RAB38: variants seen among roughly 807,000 people sequenced by gnomAD.
RAB38 encodes the protein RAB38, member RAS oncogene family.
A neutral mutation model predicts 18.4 loss-of-function variants in RAB38; 15 were observed. That is an observed-to-expected ratio of 0.82 (90% confidence interval 0.55 to 1.26). The LOEUF is 1.26. RAB38 is among the 50% of genes most tolerant of loss of function. The pLI is 0.00. For synonymous variants in RAB38, 101 were observed against 104.4 expected (o/e 0.97, Z 0.20); for missense variants, 294 against 267.4 (o/e 1.10, Z -0.69).
downstream of RAB38, among the ~76,000 whole-genome samples, chr11:88,108,708 C>T (rs1472543616): frequency 6.6e-6 from 1 of 152,072 alleles, no homozygotes; most frequent in African/African-American, 2.4e-5. Flanking sequence ...GTTATTTTGC[C>T]TGGTAGTTGA....
chr11:88,096,623 T>C, the RAB38 span, among the ~76,000 whole-genome samples: 211 of 151,996 alleles, frequency 1.4e-3, no homozygotes, highest in African/African-American at 4.7e-3. Context: ...AAATGAGTTA[T>C]ATTTGAAGAA....
chr11:87,950,211 C>T, the RAB38 span, among the ~76,000 whole-genome samples: 2 of 152,016 alleles, frequency 1.3e-5, no homozygotes, highest in Non-Finnish European at 2.9e-5. Context: ...GATTGCAACC[C>T]CTGCCTTTTT....
At chr11:87,958,852 T>A in the RAB38 span, among the ~76,000 whole-genome samples, 1 of 152,184 alleles carries the variant, frequency 6.6e-6, no homozygotes, top group Non-Finnish European at 1.5e-5. Flanking sequence ...AATCCCTTTC[T>A]AAGAAGGCTG....
intron 2 of RAB38, among the ~76,000 whole-genome samples, chr11:88,146,871 C>A (rs763724579): frequency 3.9e-4 from 60 of 152,154 alleles, no homozygotes; most frequent in Non-Finnish European, 6.9e-4. Context: ...CTCATGTCCC[C>A]CTTCCCCAAC....
the RAB38 span, among the ~76,000 whole-genome samples, chr11:88,103,218 T>C: frequency 6.6e-6 from 1 of 152,102 alleles, no homozygotes; most frequent in Non-Finnish European, 1.5e-5. Context: ...ATATTATAGA[T>C]GAATTAAGAC....
chr11:88,081,995 A>T, the RAB38 span, among the ~76,000 whole-genome samples: 2 of 152,010 alleles, frequency 1.3e-5, no homozygotes, highest in East Asian at 3.9e-4. Context: ...GAAAAATTCC[A>T]AACACAGAAA....
At chr11:87,960,869 T>C in the RAB38 span, among the ~76,000 whole-genome samples, 4 of 152,164 alleles carry the variant, frequency 2.6e-5, no homozygotes, top group African/African-American at 9.7e-5. Flanking sequence ...AGCATAGTAA[T>C]GCCTTACAGA....
At chr11:88,031,470 C>T in the RAB38 span, among the ~76,000 whole-genome samples, 1 of 151,806 alleles carries the variant, frequency 6.6e-6, no homozygotes, top group African/African-American at 2.4e-5. Flanking sequence ...GACTGTATAT[C>T]GAGAAAACCC....
the RAB38 span, among the ~76,000 whole-genome samples, chr11:88,027,304 C>A: frequency 1.1e-4 from 17 of 152,162 alleles, no homozygotes; most frequent in African/African-American, 4.1e-4. Flanking sequence ...ACGCAGAAGA[C>A]GGGTGATTTC....
At chr11:87,951,810 G>T in the RAB38 span, among the ~76,000 whole-genome samples, 14 of 151,110 alleles carry the variant, frequency 9.3e-5, no homozygotes, top group African/African-American at 1.5e-4. Flanking sequence ...TGCCCCTACT[G>T]GGGGGGTGCC....
chr11:87,949,393 G>A, the RAB38 span, among the ~76,000 whole-genome samples: 1 of 152,080 alleles, frequency 6.6e-6, no homozygotes, highest in Non-Finnish European at 1.5e-5. Flanking sequence ...ATTTCCTTCA[G>A]TTCTGCTCTG....
At chr11:88,052,379 G>A in the RAB38 span, among the ~76,000 whole-genome samples, 2 of 152,244 alleles carry the variant, frequency 1.3e-5, no homozygotes, top group East Asian at 3.9e-4. Context: ...TGAAAATATA[G>A]TTGAATTAAT....
At chr11:87,929,045 G>T in the RAB38 span, among the ~76,000 whole-genome samples, 1 of 152,056 alleles carries the variant, frequency 6.6e-6, no homozygotes, top group Non-Finnish European at 1.5e-5. Context: ...AATTCAGGAA[G>T]TAGAGGTGGC....
chr11:87,851,989 A>G, the RAB38 span, among the ~76,000 whole-genome samples: 3 of 152,180 alleles, frequency 2.0e-5, no homozygotes, highest in Non-Finnish European at 4.4e-5. Flanking sequence ...CAGTTAAACT[A>G]TATTTTTTAT....
the RAB38 span, among the ~76,000 whole-genome samples, chr11:88,045,559 T>C: frequency 2.0e-5 from 3 of 152,262 alleles, no homozygotes; most frequent in Non-Finnish European, 4.4e-5. Flanking sequence ...CCACTGGAAA[T>C]TGGACTGTTC....
chr11:87,970,306 C>T, the RAB38 span, among the ~76,000 whole-genome samples: 2 of 152,036 alleles, frequency 1.3e-5, no homozygotes, highest in Admixed American at 1.3e-4. Flanking sequence ...CAGCCCTGTG[C>T]TTATGCAGGC....
the RAB38 span, among the ~76,000 whole-genome samples, chr11:88,041,854 C>T: frequency 3.0e-4 from 46 of 152,136 alleles, 1 homozygote. Flanking sequence ...TGACAGGCTT[C>T]AGGATACCTA....
the RAB38 span, among the ~76,000 whole-genome samples, chr11:88,085,841 C>A: frequency 6.6e-6 from 1 of 151,754 alleles, no homozygotes; most frequent in Non-Finnish European, 1.5e-5. Flanking sequence ...AACAAACAAA[C>A]AAAAAATTAC....
At chr11:88,054,932 C>T in the RAB38 span, among the ~76,000 whole-genome samples, 697 of 152,250 alleles carry the variant, frequency 4.6e-3, 4 homozygotes, top group African/African-American at 0.016. Flanking sequence ...TTCTAAATTT[C>T]ACACAAGTGG....
Sources: allele counts gnomAD v4.1 joint callset (sites outside exome capture counted in the v4.1 genomes callset), GRCh38; gene constraint gnomAD v4.1.1; transcripts MANE v1.5; gene names NCBI Gene and HGNC (gene_info 2026-07-23, HGNC 2026-07-21).